ESRRG: variants seen among roughly 807,000 people sequenced by gnomAD.
ESRRG encodes estrogen related receptor gamma.
A neutral mutation model predicts 44.0 loss-of-function variants in ESRRG; 13 were observed. The observed-to-expected ratio is 0.30, with a 90% confidence interval of 0.19 to 0.47. ESRRG has a LOEUF of 0.47. ESRRG is among the 20% of genes least tolerant of loss of function. The probability of loss-of-function intolerance (pLI) is 1.00; values close to 1 mark genes in which losing one functional copy is unlikely to be tolerated. For missense variants in ESRRG, 395 were observed against 580.6 expected (o/e 0.68, Z 3.29); for synonymous variants, 215 against 214.6 (o/e 1.00, Z -0.02).
intron 6 of ESRRG, among the ~76,000 whole-genome samples, chr1:216,515,312 A>G (rs1558193316): frequency 1.3e-5 from 2 of 152,094 alleles, no homozygotes; most frequent in African/African-American, 4.8e-5. Flanking sequence ...TATATCCTAA[A>G]TAGATGGCAT....
intron 2 of ESRRG, among the ~76,000 whole-genome samples, chr1:216,852,046 C>A (rs974383099): frequency 6.6e-6 from 1 of 152,140 alleles, no homozygotes; most frequent in Non-Finnish European, 1.5e-5. Context: ...CAACCTGTTG[C>A]GGCTGAGAAG....
chr1:216,926,971 G>C (rs1409126997), intron 2 of ESRRG, among the ~76,000 whole-genome samples: 1 of 152,204 alleles, frequency 6.6e-6, no homozygotes, highest in Non-Finnish European at 1.5e-5. Flanking sequence ...TGGACACTCT[G>C]TCTCACTGGA....
chr1:216,903,857 T>C (rs1235015069), intron 2 of ESRRG, among the ~76,000 whole-genome samples: 1 of 152,172 alleles, frequency 6.6e-6, no homozygotes, highest in Non-Finnish European at 1.5e-5. Flanking sequence ...GGTAACTCTC[T>C]GCAGGATCCA....
chr1:217,071,391 T>G (rs1247124435), intron 1 of ESRRG, among the ~76,000 whole-genome samples: 1 of 152,210 alleles, frequency 6.6e-6, no homozygotes, highest in Non-Finnish European at 1.5e-5. Flanking sequence ...TTAGTCTGTG[T>G]GAACTTGGGC....
At chr1:216,619,819 A>C (rs1300359142) in intron 3 of ESRRG, among the ~76,000 whole-genome samples, 2 of 152,198 alleles carry the variant, frequency 1.3e-5, no homozygotes, top group African/African-American at 4.8e-5. Context: ...CACCCAATGC[A>C]TGTGGCCAGG....
chr1:216,615,736 CTT>C (rs60874199), intron 3 of ESRRG, among the ~76,000 whole-genome samples: 3 of 137,222 alleles, frequency 2.2e-5, no homozygotes, highest in Admixed American at 7.3e-5. Flanking sequence ...ATTTCTCTCT[CTT>C]TTTTTTTTTT....
intron 1 of ESRRG, among the ~76,000 whole-genome samples, chr1:216,989,152 T>C (rs1418192215): frequency 6.6e-6 from 1 of 152,084 alleles, no homozygotes; most frequent in East Asian, 1.9e-4. Context: ...ATCGGTGTCT[T>C]TTTATTTAAA....
At chr1:216,962,259 C>T (rs2150187574) in intron 1 of ESRRG, among the ~76,000 whole-genome samples, 1 of 152,288 alleles carries the variant, frequency 6.6e-6, no homozygotes, top group Middle Eastern at 3.4e-3. Context: ...GTGTGAGACC[C>T]TGGCATTGCC....
chr1:216,911,136 C>G (rs541796625), intron 2 of ESRRG, among the ~76,000 whole-genome samples: 1 of 152,262 alleles, frequency 6.6e-6, no homozygotes, highest in South Asian at 2.1e-4. Context: ...AAGTACATTA[C>G]AGTTGAAAAC....
chr1:216,698,518 C>CAAAA (rs34454248), intron 1 of ESRRG, among the ~76,000 whole-genome samples: 11 of 73,846 alleles, frequency 1.5e-4, no homozygotes, highest in East Asian at 1.3e-3. Context: ...GACTCAGTCT[C>CAAAA]AAAAAAAAAA....
intron 2 of ESRRG, among the ~76,000 whole-genome samples, chr1:216,665,351 GTAT>G (rs971452882): frequency 6.6e-6 from 1 of 152,106 alleles, no homozygotes; most frequent in East Asian, 1.9e-4. Flanking sequence ...GGGGACTCCT[GTAT>G]TATTCCATTT....
chr1:216,511,658 T>C (rs2042761863), intron 6 of ESRRG, among the ~76,000 whole-genome samples: 1 of 151,800 alleles, frequency 6.6e-6, no homozygotes, highest in South Asian at 2.1e-4. Context: ...TGGCCAACCC[T>C]GGAAGGCACC....
chr1:217,062,976 T>A (rs887370703), intron 1 of ESRRG, among the ~76,000 whole-genome samples: 1 of 152,166 alleles, frequency 6.6e-6, no homozygotes, highest in African/African-American at 2.4e-5. Flanking sequence ...AACTCTAGTA[T>A]GTACCTATGT....
chr1:216,693,509 G>A (rs1017298397), intron 1 of ESRRG, among the ~76,000 whole-genome samples: 1 of 152,234 alleles, frequency 6.6e-6, no homozygotes, highest in African/African-American at 2.4e-5. Context: ...AGATACCAAA[G>A]TCTACAGATG....
rs771255885 is a variant in ESRRG at position 217,069,412 on chromosome 1, TAGAC to T, written c.-106+20091_-106+20094del. Among the ~76,000 whole-genome samples, 172 of 139,654 alleles carry T rather than the reference TAGAC, an allele frequency of 1.2e-3. 1 individual carries two copies. The highest frequency in any genetic ancestry group is 2.1e-3 in the Non-Finnish European group (135 of 63,350). The allele number at this position is 139,654 out of a possible 152,430, so 91.6% of individuals were successfully genotyped here. On this transcript the variant is annotated intron_variant, in intron 1 of 7. Transcript: ENST00000359162. ...AATAAAGTGTATGTATATAGATAGA[TAGAC>T]AGATATAGAAATATATATATATATA...
At chr1:216,991,267 T>C (rs992900023) in intron 1 of ESRRG, among the ~76,000 whole-genome samples, 1 of 152,274 alleles carries the variant, frequency 6.6e-6, no homozygotes, top group South Asian at 2.1e-4. Context: ...ACTGTTGCTA[T>C]AAAGAGCACT....
intron 3 of ESRRG, among the ~76,000 whole-genome samples, chr1:216,627,175 G>A (rs564693698): frequency 3.9e-4 from 59 of 152,278 alleles, no homozygotes; most frequent in South Asian, 3.1e-3. Context: ...TAAACATCTC[G>A]AATCCAGATA....
At chr1:216,519,686 A>G (rs2045475573) in intron 5 of ESRRG, among the ~76,000 whole-genome samples, 1 of 152,018 alleles carries the variant, frequency 6.6e-6, no homozygotes, top group African/African-American at 2.4e-5. Context: ...CTTTCATTCG[A>G]GAAGAAAATA....
rs370166585 is a variant in ESRRG at position 216,506,932 on chromosome 1, C to T, written c.*7G>A. ...ATGAAGGATGGGAAGGCCCAGGGAG[C>T]TTTTAGTCAGACCTTGGCCTCCAAC... On this transcript the variant is annotated 3_prime_UTR_variant, in exon 7 of 7. Coordinates refer to ENST00000408911, the MANE Select transcript of ESRRG (RefSeq NM_001438.4). 3 of 1,611,948 alleles carry T rather than the reference C, an allele frequency of 1.9e-6. No individual in the cohort carries two copies. Among genetic ancestry groups the T allele is most frequent in the South Asian group, 1.1e-5 (1 of 90,878 alleles).
Sources: allele counts gnomAD v4.1 joint callset (sites outside exome capture counted in the v4.1 genomes callset), GRCh38; gene constraint gnomAD v4.1.1; transcripts MANE v1.5; gene names NCBI Gene and HGNC (gene_info 2026-07-23, HGNC 2026-07-21).